Variants in ASNS observed in about 807,000 individuals in gnomAD.
The protein encoded by ASNS is asparagine synthetase [glutamine-hydrolyzing].
In ASNS, 37 loss-of-function variants were observed where a neutral mutation model predicts 62.6. The observed-to-expected ratio is 0.59, with a 90% CI of 0.45 to 0.78. The LOEUF (loss-of-function observed/expected upper bound fraction) is 0.78. ASNS is among the 30% of genes least tolerant of loss of function. ASNS has a pLI of 0.00. For missense variants in ASNS, 520 were observed against 682.4 expected (o/e 0.76, Z 2.65); for synonymous variants, 207 against 237.9 (o/e 0.87, Z 1.19).
At position 97,859,351 on chromosome 7, in the gene ASNS, G is replaced by T; in HGVS notation, c.535C>A (p.Pro179Thr). Residue 179 changes from proline (P) to threonine (T), a missense_variant, in exon 5 of 13, where the codon CCT becomes ACT. Coordinates refer to ENST00000394308, the MANE Select transcript of ASNS (RefSeq NM_001673.5). ...ACTTCATAGTGTCCAGGAAGAAAAG[G>T]CTCCACTTTTAAAAAGGGAGTCGCG... ...HSATPFLKVE[P>T]FLPGHYEVLD... 1 of 1,613,626 alleles carries T rather than the reference G, an allele frequency of 6.2e-7. No homozygotes were observed. Among genetic ancestry groups the T allele is most frequent in the Admixed American group, 1.7e-5 (1 of 59,896 alleles).
At chr7:97,921,423 T>C in the ASNS span, among the ~76,000 whole-genome samples, 1 of 152,152 alleles carries the variant, frequency 6.6e-6, no homozygotes, top group South Asian at 2.1e-4. Context: ...CTGAAATGGG[T>C]GTGGCTGTAT....
chr7:97,859,657 G>A (rs1791625188), intron 4 of ASNS, among the ~76,000 whole-genome samples: 2 of 152,126 alleles, frequency 1.3e-5, no homozygotes, highest in African/African-American at 4.8e-5. Context: ...AATCTCCAGT[G>A]TTCAATTTCT....
the ASNS span, among the ~76,000 whole-genome samples, chr7:97,903,274 C>T: frequency 2.0e-5 from 3 of 148,644 alleles, no homozygotes; most frequent in African/African-American, 7.5e-5. Flanking sequence ...AGCCTGGTGC[C>T]TTTAGAGCTA....
At chr7:97,922,092 T>C in the ASNS span, among the ~76,000 whole-genome samples, 3 of 152,190 alleles carry the variant, frequency 2.0e-5, no homozygotes, top group Non-Finnish European at 2.9e-5. Context: ...CGGCCAGGCA[T>C]GGTGGCTCAT....
chr7:97,890,779 A>C, the ASNS span, among the ~76,000 whole-genome samples: 1 of 152,158 alleles, frequency 6.6e-6, no homozygotes. Flanking sequence ...AAAGAGAAAA[A>C]AGTATTTCCC....
chr7:97,909,686 G>A, the ASNS span, among the ~76,000 whole-genome samples: 3 of 152,212 alleles, frequency 2.0e-5, no homozygotes, highest in South Asian at 4.1e-4. Flanking sequence ...GGTGTTAAAC[G>A]GGAGTGAAAA....
chr7:97,923,302 A>C, the ASNS span, among the ~76,000 whole-genome samples: 1 of 151,512 alleles, frequency 6.6e-6, no homozygotes, highest in Non-Finnish European at 1.5e-5. Flanking sequence ...ATTAATATTT[A>C]AAAATGGTCA....
chr7:97,876,552 T>A (rs28492690), upstream of ASNS, among the ~76,000 whole-genome samples: 1 of 151,102 alleles, frequency 6.6e-6, no homozygotes, highest in African/African-American at 2.4e-5. Flanking sequence ...CTCAGCCTCC[T>A]GAGTAGCTGG....
At chr7:97,904,139 C>A in the ASNS span, among the ~76,000 whole-genome samples, 1 of 152,042 alleles carries the variant, frequency 6.6e-6, no homozygotes. Context: ...TTATAGACAT[C>A]CCACACTGTA....
the ASNS span, among the ~76,000 whole-genome samples, chr7:97,879,578 GA>G: frequency 6.6e-6 from 1 of 152,206 alleles, no homozygotes; most frequent in Non-Finnish European, 1.5e-5. Flanking sequence ...GCAGGAAGCT[GA>G]GGACAGCAGG....
chr7:97,896,101 C>T, the ASNS span, among the ~76,000 whole-genome samples: 1 of 151,858 alleles, frequency 6.6e-6, no homozygotes, highest in Non-Finnish European at 1.5e-5. Context: ...GTTGGAATAA[C>T]TAATACTGTT....
chr7:97,861,168 C>A (rs902256492), intron 4 of ASNS, among the ~76,000 whole-genome samples: 1 of 151,944 alleles, frequency 6.6e-6, no homozygotes, highest in Non-Finnish European at 1.5e-5. Context: ...ACTACAGGCG[C>A]CCGCCACCAC....
chr7:97,924,128 G>T, the ASNS span, among the ~76,000 whole-genome samples: 1 of 152,052 alleles, frequency 6.6e-6, no homozygotes, highest in Non-Finnish European at 1.5e-5. Flanking sequence ...GGGCAACACA[G>T]CCCGCACTCC....
the ASNS span, among the ~76,000 whole-genome samples, chr7:97,892,336 G>C: frequency 6.6e-6 from 1 of 152,148 alleles, no homozygotes; most frequent in Non-Finnish European, 1.5e-5. Flanking sequence ...TGATGGGAGG[G>C]GCTGCCATGA....
At chr7:97,878,512 G>A in the ASNS span, among the ~76,000 whole-genome samples, 2 of 152,130 alleles carry the variant, frequency 1.3e-5, no homozygotes, top group Non-Finnish European at 2.9e-5. Context: ...AACAAACAGA[G>A]AGCCAAATCA....
chr7:97,864,533 C>T, intron 3 of ASNS, 37 bp from the exon 4 acceptor site: 1 of 1,387,362 alleles, frequency 7.2e-7, no homozygotes, highest in African/African-American at 1.4e-5. Context: ...TGTTAGACTC[C>T]TTGTACATTC....
chr7:97,912,328 A>G, the ASNS span, among the ~76,000 whole-genome samples: 1 of 152,106 alleles, frequency 6.6e-6, no homozygotes, highest in African/African-American at 2.4e-5. Flanking sequence ...GTGAATATTT[A>G]GGTCAGGGCT....
chr7:97,864,046 C>T (rs769211505), intron 4 of ASNS: 21 of 496,454 alleles, frequency 4.2e-5, no homozygotes, highest in Non-Finnish European at 6.0e-5. Flanking sequence ...AAAAAATAAA[C>T]GACTGCACTA....
chr7:97,858,674 T>A (rs1791573476), intron 6 of ASNS, among the ~76,000 whole-genome samples, 180 bp downstream of exon 6: 2 of 152,168 alleles, frequency 1.3e-5, no homozygotes, highest in Admixed American at 1.3e-4. Context: ...ATAGTGTAAC[T>A]CAAGTTGGAG....
Sources: allele counts gnomAD v4.1 joint callset (sites outside exome capture counted in the v4.1 genomes callset), GRCh38; gene constraint gnomAD v4.1.1; transcripts MANE v1.5; gene names NCBI Gene and HGNC (gene_info 2026-07-23, HGNC 2026-07-21).